Variants in AGBL1 observed in about 807,000 individuals in gnomAD.
AGBL1 encodes the protein AGBL carboxypeptidase 1.
Under a neutral mutation model 118.9 loss-of-function variants are expected in AGBL1, and 130 were observed. That is an observed-to-expected ratio of 1.09 (90% confidence interval 0.95 to 1.26). The LOEUF is 1.26. Ranked by LOEUF, AGBL1 falls within the 50% of genes most tolerant of loss-of-function variation. AGBL1 has a pLI of 0.00. For synonymous variants in AGBL1, 555 were observed against 478.9 expected, an observed-to-expected ratio of 1.16 and a Z score of -2.08; for missense variants, 1,584 against 1,298.1, an observed-to-expected ratio of 1.22 and a Z score of -3.38.
chr15:86,224,524 C>A (rs1286658773), intron 5 of AGBL1, among the ~76,000 whole-genome samples: 1 of 152,136 alleles, frequency 6.6e-6, no homozygotes, highest in African/African-American at 2.4e-5. Flanking sequence ...AAGCCCCACT[C>A]CTTCCCAGAC....
intron 22 of AGBL1, among the ~76,000 whole-genome samples, chr15:86,776,748 ATATGTGTGTG>A (rs1405889885): frequency 1.9e-5 from 2 of 106,508 alleles, no homozygotes; most frequent in Non-Finnish European, 3.5e-5. Flanking sequence ...TTATATATAT[ATATGTGTGTG>A]TGTGTGTGTG....
At chr15:86,959,425 C>G (rs2080968509) in intron 23 of AGBL1, among the ~76,000 whole-genome samples, 2 of 152,080 alleles carry the variant, frequency 1.3e-5, no homozygotes, top group African/African-American at 4.8e-5. Flanking sequence ...TGGGTGTTCT[C>G]TGGTTTGACC....
At chr15:86,805,657 T>C (rs1317933677) in intron 22 of AGBL1, among the ~76,000 whole-genome samples, 3 of 152,196 alleles carry the variant, frequency 2.0e-5, no homozygotes, top group Non-Finnish European at 2.9e-5. Context: ...GACATGCTCG[T>C]TGATTTTCTC....
intron 22 of AGBL1, among the ~76,000 whole-genome samples, chr15:86,755,246 A>T (rs149727088): frequency 6.6e-6 from 1 of 152,080 alleles, no homozygotes; most frequent in African/African-American, 2.4e-5. Context: ...TGCTGGTTCA[A>T]CCCATCCCTG....
chr15:86,208,165 G>A (rs1388435775), intron 5 of AGBL1, among the ~76,000 whole-genome samples: 1 of 152,170 alleles, frequency 6.6e-6, no homozygotes, highest in Non-Finnish European at 1.5e-5. Context: ...TCCCAGGAAT[G>A]AAGCCTACTT....
Position 86,292,878 on chromosome 15 carries a change from G to A in AGBL1, c.2221-2377G>A, listed in dbSNP as rs182354756. ...TATTTGTAATTTCTGTCTTCCCAGA[G>A]CAGTAAGGTTATGCTGATGAAGGTT... is the stretch of plus-strand genomic sequence containing the variant. On this transcript the variant is annotated intron_variant, in intron 16 of 22. Transcript: ENST00000614907. Among the ~76,000 whole-genome samples the A allele has an allele frequency of 2.6e-5, 4 of 152,280 alleles. No individual in the cohort carries two copies. The East Asian group carries it at 5.8e-4, about 22-fold the overall frequency.
At chr15:86,264,889 T>C in intron 11 of AGBL1, 51 bp downstream of exon 11, 1 of 1,446,850 alleles carries the variant, frequency 6.9e-7, no homozygotes, top group East Asian at 2.3e-5. Context: ...TTTGATAATT[T>C]TATAAGTAAA....
At chr15:86,560,238 C>A (rs28539123) in intron 21 of AGBL1, among the ~76,000 whole-genome samples, 2,040 of 151,692 alleles carry the variant, frequency 0.013, 54 homozygotes, top group African/African-American at 0.047. Context: ...TGTGCTACAC[C>A]CATTAACTCG....
intron 18 of AGBL1, among the ~76,000 whole-genome samples, chr15:86,452,536 TTAGC>T (rs2082207837): frequency 6.6e-6 from 1 of 152,232 alleles, no homozygotes; most frequent in Non-Finnish European, 1.5e-5. Context: ...TAGCACATGC[TTAGC>T]TAGTGTAGAA....
intron 24 of AGBL1, among the ~76,000 whole-genome samples, chr15:87,006,931 G>T (rs2081511112): frequency 6.6e-6 from 1 of 152,142 alleles, no homozygotes; most frequent in Non-Finnish European, 1.5e-5. Flanking sequence ...GAGACAGGGG[G>T]TTGAGCTTTA....
intron 22 of AGBL1, among the ~76,000 whole-genome samples, chr15:86,701,833 A>C (rs1387670641): frequency 1.0e-3 from 82 of 81,324 alleles, no homozygotes; most frequent in Admixed American, 1.4e-3. Flanking sequence ...CCTCCTTTCC[A>C]CTCCCCATCT....
At position 87,016,752 on chromosome 15, in the gene AGBL1, C is replaced by A. The variant is rs1163349449; in HGVS notation, c.3324-12073C>A. 3.9e-5 allele frequency among the ~76,000 whole-genome samples: 6 copies of A among 152,122 alleles called. No homozygotes were observed. The South Asian group carries it at 1.2e-3, about 32-fold the overall frequency. On this transcript the variant is annotated intron_variant, in intron 24 of 24. Transcript: ENST00000441037. ...TGGCATAGAGCCAAAGGAACCACCA[C>A]CCCCAGCCAAGGGAAGTGGTGAGTG...
chr15:86,140,673 G>T (rs1428104339), intron 1 of AGBL1, among the ~76,000 whole-genome samples: 1 of 152,152 alleles, frequency 6.6e-6, no homozygotes, highest in Admixed American at 6.6e-5. Context: ...CAGCTTGGGG[G>T]TTGGATGGGA....
At chr15:86,258,807 A>T (rs1567161386) in intron 9 of AGBL1, among the ~76,000 whole-genome samples, 1 of 152,146 alleles carries the variant, frequency 6.6e-6, no homozygotes, top group Non-Finnish European at 1.5e-5. Context: ...CCCGGATCCA[A>T]GCAATTTACC....
At chr15:86,571,993 G>GAAAATAAAAGCTAAAGCACAA (rs2084015971) in intron 21 of AGBL1, among the ~76,000 whole-genome samples, 1 of 152,212 alleles carries the variant, frequency 6.6e-6, no homozygotes, top group Non-Finnish European at 1.5e-5. Context: ...TCCCATGCTT[G>GAAAATAAAAGCTAAAGCACAA]TTGGTGCACA....
chr15:86,798,732 G>A (rs148759906), intron 22 of AGBL1, among the ~76,000 whole-genome samples: 41 of 148,876 alleles, frequency 2.8e-4, no homozygotes, highest in African/African-American at 7.3e-4. Flanking sequence ...ATCCAGGACC[G>A]GCAACTAGAT....
At chr15:86,392,811 G>T (rs892230344) in intron 17 of AGBL1, among the ~76,000 whole-genome samples, 1 of 152,110 alleles carries the variant, frequency 6.6e-6, no homozygotes, top group Admixed American at 6.5e-5. Context: ...GACTATGGTG[G>T]TCACTGAAAC....
chr15:86,366,143 A>G (rs1301861140), intron 17 of AGBL1, among the ~76,000 whole-genome samples: 2 of 152,248 alleles, frequency 1.3e-5, no homozygotes, highest in East Asian at 3.9e-4. Flanking sequence ...TCACCAAGAA[A>G]TTTATCTAGA....
chr15:86,097,141 A>T (rs1344318605), intron 1 of AGBL1, among the ~76,000 whole-genome samples: 1 of 152,128 alleles, frequency 6.6e-6, no homozygotes, highest in African/African-American at 2.4e-5. Flanking sequence ...TCTAAATGTT[A>T]TTGGGATTGC....
Sources: allele counts gnomAD v4.1 joint callset (sites outside exome capture counted in the v4.1 genomes callset), GRCh38; gene constraint gnomAD v4.1.1; transcripts MANE v1.5; gene names NCBI Gene and HGNC (gene_info 2026-07-23, HGNC 2026-07-21).